LGSN: variants seen among roughly 807,000 people sequenced by gnomAD.
The protein encoded by LGSN is lengsin, lens protein with glutamine synthetase domain, also known as lengsin.
LGSN carries 21 observed loss-of-function variants against 19.5 expected under a neutral mutation model. That is an observed-to-expected ratio of 1.07 (90% CI 0.76 to 1.55). The LOEUF (loss-of-function observed/expected upper bound fraction) is 1.55, where lower values mean the gene tolerates loss of function less well. LGSN is among the 40% of genes most tolerant of loss of function. The pLI is 0.00. For missense variants in LGSN, 673 were observed against 608.5 expected (o/e 1.11, Z -1.12); for synonymous variants, 257 against 215.6 (o/e 1.19, Z -1.68).
At chr6:63,431,125 T>C in the LGSN span, among the ~76,000 whole-genome samples, 3 of 152,200 alleles carry the variant, frequency 2.0e-5, no homozygotes, top group African/African-American at 7.2e-5. Flanking sequence ...GTGAGCCCTA[T>C]GAGTAAGGCA....
chr6:63,506,189 G>T, the LGSN span, among the ~76,000 whole-genome samples: 2 of 152,070 alleles, frequency 1.3e-5, no homozygotes, highest in African/African-American at 4.8e-5. Flanking sequence ...TAAAAATTTT[G>T]ATTACATATT....
chr6:63,548,891 C>T, the LGSN span: 102 of 846,474 alleles, frequency 1.2e-4, no homozygotes, highest in Non-Finnish European at 1.8e-4. Flanking sequence ...CTGAGTTAAC[C>T]TGTATGAAGG....
At chr6:63,285,086 T>C (rs565891399) in intron 3 of LGSN, among the ~76,000 whole-genome samples, 22 of 152,186 alleles carry the variant, frequency 1.4e-4, no homozygotes, top group Non-Finnish European at 2.6e-4. Flanking sequence ...GATATCATCA[T>C]TTTTGGGAAT....
chr6:63,280,552 T>G lies in LGSN; in HGVS notation c.999A>C (p.Gly333=). The change falls in exon 4 of 4, where the codon GGA becomes GGC. Residue 333 remains glycine (G), a synonymous_variant. Coordinates refer to ENST00000370657, the MANE Select transcript of LGSN (RefSeq NM_016571.3). ...RKKNMFCSTS[G]TEQLTITGKK... is the part of the protein sequence containing the mutation. ...TCCCAGTGATCGTGAGCTGCTCAGT[T>G]CCAGAAGTGCTGCAGAACATGTTTT... The G allele has an allele frequency of 6.2e-7, 1 of 1,614,098 alleles. No individual in the cohort carries two copies.
the LGSN span, among the ~76,000 whole-genome samples, chr6:63,525,338 C>T: frequency 7.9e-5 from 12 of 152,208 alleles, no homozygotes; most frequent in East Asian, 9.7e-4. Context: ...ACCTGGCTTC[C>T]GGTTAGATTC....
At chr6:63,332,388 G>C in the LGSN span, among the ~76,000 whole-genome samples, 1 of 152,200 alleles carries the variant, frequency 6.6e-6, no homozygotes, top group East Asian at 1.9e-4. Flanking sequence ...AGATAGTATA[G>C]ATGGGCGAGT....
chr6:63,354,824 T>C, the LGSN span, among the ~76,000 whole-genome samples: 2 of 152,106 alleles, frequency 1.3e-5, no homozygotes, highest in African/African-American at 2.4e-5. Context: ...ATAATACCAT[T>C]TGCAGCAACA....
chr6:63,494,772 T>C, the LGSN span, among the ~76,000 whole-genome samples: 4 of 152,240 alleles, frequency 2.6e-5, no homozygotes, highest in African/African-American at 7.2e-5. Flanking sequence ...TTTACCTTGC[T>C]ATATCTCTGT....
chr6:63,390,859 C>CAAAA, the LGSN span, among the ~76,000 whole-genome samples: 1 of 50,464 alleles, frequency 2.0e-5, no homozygotes, highest in Non-Finnish European at 4.1e-5. Flanking sequence ...GACTCCATCT[C>CAAAA]AAAAAAAAAA....
chr6:63,407,432 A>T, the LGSN span, among the ~76,000 whole-genome samples: 1 of 152,228 alleles, frequency 6.6e-6, no homozygotes, highest in African/African-American at 2.4e-5. Flanking sequence ...CAAAAACCAC[A>T]TGATTTTCTC....
chr6:63,336,482 T>C, the LGSN span, among the ~76,000 whole-genome samples: 1 of 151,634 alleles, frequency 6.6e-6, no homozygotes, highest in Non-Finnish European at 1.5e-5. Context: ...GCTGTAATTG[T>C]AATACAATTT....
chr6:63,535,987 G>C, the LGSN span, among the ~76,000 whole-genome samples: 1 of 151,980 alleles, frequency 6.6e-6, no homozygotes, highest in Admixed American at 6.5e-5. Context: ...TGGCCAGGGT[G>C]GCCTGGAACT....
the LGSN span, chr6:63,521,675 C>G: frequency 1.3e-5 from 2 of 152,148 alleles, no homozygotes; most frequent in Non-Finnish European, 2.9e-5. Flanking sequence ...AGATATATTA[C>G]CCTTTCTCTG....
chr6:63,531,769 GCATGAACCAC>G, the LGSN span, among the ~76,000 whole-genome samples: 1 of 151,742 alleles, frequency 6.6e-6, no homozygotes, highest in Non-Finnish European at 1.5e-5. Flanking sequence ...GTGATTACAG[GCATGAACCAC>G]CATGTCCAGC....
intron 1 of LGSN, among the ~76,000 whole-genome samples, chr6:63,298,031 A>G (rs1283335951): frequency 6.6e-6 from 1 of 152,196 alleles, no homozygotes; most frequent in Non-Finnish European, 1.5e-5. Context: ...AGTCGCTCTG[A>G]ACATATTCTT....
At chr6:63,429,935 G>C in the LGSN span, among the ~76,000 whole-genome samples, 1 of 152,114 alleles carries the variant, frequency 6.6e-6, no homozygotes, top group Non-Finnish European at 1.5e-5. Flanking sequence ...TGGACGGAAG[G>C]AAAGGAGGAA....
chr6:63,530,643 G>C, the LGSN span, among the ~76,000 whole-genome samples: 1 of 151,952 alleles, frequency 6.6e-6, no homozygotes, highest in Non-Finnish European at 1.5e-5. Context: ...AAAAGGAGAA[G>C]ATAAAATTGT....
chr6:63,466,312 T>C, the LGSN span, among the ~76,000 whole-genome samples: 1 of 152,192 alleles, frequency 6.6e-6, no homozygotes, highest in East Asian at 1.9e-4. Context: ...CAAGCTGGAA[T>C]GCAGTGGTGC....
chr6:63,553,922 G>GA, the LGSN span, among the ~76,000 whole-genome samples: 1 of 152,084 alleles, frequency 6.6e-6, no homozygotes, highest in African/African-American at 2.4e-5. Context: ...AAATACGAAA[G>GA]AAAAATAGCA....
Sources: allele counts gnomAD v4.1 joint callset (sites outside exome capture counted in the v4.1 genomes callset), GRCh38; gene constraint gnomAD v4.1.1; transcripts MANE v1.5; gene names NCBI Gene and HGNC (gene_info 2026-07-23, HGNC 2026-07-21).